The following MAPK4 variants were observed in gnomAD, a reference collection of about 807,000 sequenced individuals.
MAPK4 encodes the protein mitogen-activated protein kinase 4.
In MAPK4, 22 loss-of-function variants were observed where a neutral mutation model predicts 47.7. That is an observed-to-expected ratio of 0.46 (90% CI 0.33 to 0.66). The LOEUF (loss-of-function observed/expected upper bound fraction) is 0.66, where lower values mean the gene tolerates loss of function less well. Among genes scored for constraint, MAPK4 ranks in the 30% least tolerant of loss-of-function variants. The pLI, the probability that MAPK4 is intolerant of heterozygous loss-of-function variation, is 0.02. For synonymous variants in MAPK4, 390 were observed against 365.7 expected (o/e 1.07, Z -0.76); for missense variants, 736 against 831.7 (o/e 0.88, Z 1.42).
At chr18:50,564,773 A>G (rs1233291232) in intron 1 of MAPK4, among the ~76,000 whole-genome samples, 1 of 152,206 alleles carries the variant, frequency 6.6e-6, no homozygotes, top group African/African-American at 2.4e-5. Context: ...TGTGGGTAGC[A>G]GAACCGCCAT....
intron 1 of MAPK4, among the ~76,000 whole-genome samples, chr18:50,633,096 A>T (rs2042847392): frequency 6.6e-6 from 1 of 152,172 alleles, no homozygotes; most frequent in Admixed American, 6.5e-5. Context: ...TGCCGAGGTC[A>T]CACTCCAGCT....
rs117779069 is a variant in MAPK4 at position 50,630,111 on chromosome 18, G to A, written c.-870-32978G>A. Among the ~76,000 whole-genome samples the A allele has an allele frequency of 2.9e-3, 438 of 152,332 alleles. 6 individuals carry two copies. In the East Asian group the frequency reaches 0.043, roughly 15 times the overall value. ...GAACGCCTAACCCATAGTGGCATTC[G>A]GTCTGGTAGGATGCTGGCCGAGTTC... On this transcript the variant is annotated intron_variant, in intron 1 of 5. Transcript: ENST00000400384.
At chr18:50,610,189 A>C in intron 1 of MAPK4, among the ~76,000 whole-genome samples, 1 of 152,226 alleles carries the variant, frequency 6.6e-6, no homozygotes, top group East Asian at 1.9e-4. Flanking sequence ...GAGGTAACAT[A>C]GAGATATAAC....
chr18:50,596,133 T>G (rs1025994895), intron 1 of MAPK4, among the ~76,000 whole-genome samples: 1 of 152,184 alleles, frequency 6.6e-6, no homozygotes, highest in African/African-American at 2.4e-5. Flanking sequence ...CATTCAATTC[T>G]CACAACTCCA....
chr18:50,618,590 G>A (rs755876668), intron 1 of MAPK4, among the ~76,000 whole-genome samples: 2 of 152,048 alleles, frequency 1.3e-5, no homozygotes, highest in Non-Finnish European at 2.9e-5. Flanking sequence ...AGGGGTAAAC[G>A]CTGCATCTTT....
Position 50,729,297 on chromosome 18 carries a change from A to T in MAPK4, c.1207A>T (p.Ser403Cys), listed in dbSNP as rs199532611. ...VQVDPRKDSH[S>C]SSERFLEQSH... ...GGTGGACCCGCGCAAGGACTCGCAC[A>T]GCAGCTCCGAGCGCTTCCTAGAGCA... The change falls in exon 6 of 6, where the codon AGC (serine) becomes TGC (cysteine). Residue 403 changes from serine (S) to cysteine (C), a missense_variant. Ser to Cys is a moderately radical substitution (Grantham distance 112). Around this residue, in one of 3 missense-constraint regions of MAPK4, gnomAD observed 377 missense variants for 378.6 expected, o/e 1.00. Transcript: ENST00000400384. 10 of 1,607,276 alleles carry T rather than the reference A, an allele frequency of 6.2e-6. No homozygotes were observed. The highest frequency in any genetic ancestry group is 8.5e-6 in the Non-Finnish European group (10 of 1,177,018).
chr18:50,725,314 C>G (rs1403483705), intron 4 of MAPK4, among the ~76,000 whole-genome samples: 2 of 152,254 alleles, frequency 1.3e-5, no homozygotes, highest in East Asian at 3.9e-4. Flanking sequence ...GGATTCGGAC[C>G]CAGGAGCTCT....
chr18:50,586,027 A>G (rs2042385064), intron 1 of MAPK4, among the ~76,000 whole-genome samples: 1 of 152,212 alleles, frequency 6.6e-6, no homozygotes, highest in Admixed American at 6.5e-5. Flanking sequence ...TAGCCAAACC[A>G]TATTACTGGG....
chr18:50,650,884 C>T (rs970457574), intron 1 of MAPK4, among the ~76,000 whole-genome samples: 3 of 152,350 alleles, frequency 2.0e-5, no homozygotes, highest in African/African-American at 4.8e-5. Flanking sequence ...TGGCCATGCA[C>T]GGGCCTTTGC....
At chr18:50,712,896 A>T (rs544656657) in intron 2 of MAPK4, among the ~76,000 whole-genome samples, 1 of 152,098 alleles carries the variant, frequency 6.6e-6, no homozygotes, top group Non-Finnish European at 1.5e-5. Context: ...GAACCCACCC[A>T]CCTAAAAATG....
chr18:50,670,829 C>T (rs1217643381), intron 2 of MAPK4, among the ~76,000 whole-genome samples: 1 of 151,766 alleles, frequency 6.6e-6, no homozygotes, highest in Admixed American at 6.6e-5. Flanking sequence ...GCCTCAGCTT[C>T]ACCTAGGAAC....
At chr18:50,648,755 C>T (rs1305446060) in intron 1 of MAPK4, among the ~76,000 whole-genome samples, 8 of 152,148 alleles carry the variant, frequency 5.3e-5, no homozygotes, top group Admixed American at 1.3e-4. Flanking sequence ...GCTGCAGCAT[C>T]GCCACGATAA....
rs555345816 is a variant in MAPK4, at chr18:50,730,158, G to A, written c.*304G>A. On this transcript the variant is annotated 3_prime_UTR_variant, in exon 6 of 6. Coordinates refer to ENST00000400384, the MANE Select transcript of MAPK4 (RefSeq NM_002747.4). ...AGACAGCAGTCTGCGGGCCCCACCT[G>A]GGTGGCAGGATGCCGAGAAATCTTG... is the stretch of plus-strand genomic sequence containing the variant. 215 of 262,894 alleles carry A rather than the reference G, an allele frequency of 8.2e-4. 1 individual carries two copies. Among genetic ancestry groups the A allele is most frequent in the Admixed American group, 2.2e-3 (42 of 18,968 alleles). 16.3% of individuals were successfully genotyped at this position (262,894 alleles called of 1,614,324 possible). A position where few individuals can be genotyped will look rare whatever the true frequency, so the allele number is the denominator to read the frequency against.
intron 3 of MAPK4, among the ~76,000 whole-genome samples, chr18:50,719,073 G>C (rs966334221): frequency 5.3e-5 from 6 of 113,472 alleles, no homozygotes; most frequent in Admixed American, 4.6e-4. Flanking sequence ...GACAGAGCAA[G>C]ACTCCACCTC....
intron 2 of MAPK4, chr18:50,669,869 A>C (rs959229150): frequency 3.3e-5 from 5 of 152,220 alleles, no homozygotes; most frequent in Non-Finnish European, 5.9e-5. Context: ...ACCTAAAATC[A>C]CTCATTGCAG....
intron 2 of MAPK4, among the ~76,000 whole-genome samples, chr18:50,710,666 G>A (rs1366484387): frequency 6.6e-6 from 1 of 151,806 alleles, no homozygotes; most frequent in Non-Finnish European, 1.5e-5. Context: ...TGCAGTCCCG[G>A]CTACTCAGGA....
intron 1 of MAPK4, among the ~76,000 whole-genome samples, chr18:50,619,538 A>G (rs1160760303): frequency 6.6e-6 from 1 of 152,064 alleles, no homozygotes; most frequent in Non-Finnish European, 1.5e-5. Context: ...TGTGTTGCCC[A>G]GGCTGGTCTC....
chr18:50,657,236 G>T (rs1357402564), intron 1 of MAPK4, among the ~76,000 whole-genome samples: 1 of 152,148 alleles, frequency 6.6e-6, no homozygotes, highest in Admixed American at 6.5e-5. Flanking sequence ...AGCAATCACT[G>T]CCAAGAGGGA....
chr18:50,726,182 G>T lies in MAPK4; in HGVS notation c.1067+7G>T. The T allele has an allele frequency of 6.2e-7, 1 of 1,613,160 alleles. No individual in the cohort carries two copies. The highest frequency in any genetic ancestry group is 2.2e-5 in the East Asian group (1 of 44,876). On this transcript the variant is annotated splice_region_variant and intron_variant, in intron 5 of 5. Coordinates refer to ENST00000400384, the MANE Select transcript of MAPK4 (RefSeq NM_002747.4). ...GGGACACGTGCAGTTCCAGGTGCTCGCAGCCCTGGGTTCCAGAGCCCACAT... is the reference window on the plus strand; with the variant it reads ...GGGACACGTGCAGTTCCAGGTGCTCTCAGCCCTGGGTTCCAGAGCCCACAT...
Sources: gnomAD v4.1 joint callset for allele counts (sites outside exome capture counted in the v4.1 genomes callset) on GRCh38, gnomAD v4.1.1 for gene constraint, gnomAD v4.1.1 regional missense constraint, MANE v1.5 for transcripts, NCBI Gene and HGNC (gene_info 2026-07-23, HGNC 2026-07-21) for gene names.